Variants in SLC24A3 observed in about 807,000 individuals in gnomAD.
SLC24A3 encodes the protein solute carrier family 24 member 3.
A neutral mutation model predicts 75.8 loss-of-function variants in SLC24A3; 28 were observed. That is an observed-to-expected ratio of 0.37 (90% CI 0.27 to 0.51). SLC24A3 has a LOEUF of 0.51. SLC24A3 is among the 20% of genes least tolerant of loss of function. SLC24A3 has a pLI of 0.94. For missense variants in SLC24A3, 663 were observed against 847.8 expected (o/e 0.78, Z 2.71); for synonymous variants, 372 against 334.1 (o/e 1.11, Z -1.24).
chr20:19,516,690 G>A (rs1358757372), intron 3 of SLC24A3, among the ~76,000 whole-genome samples: 1 of 152,248 alleles, frequency 6.6e-6, no homozygotes, highest in Non-Finnish European at 1.5e-5. Flanking sequence ...GCAGCCTCAG[G>A]CAGTCAGACT....
intron 2 of SLC24A3, among the ~76,000 whole-genome samples, chr20:19,395,029 C>A (rs1357570406): frequency 2.0e-5 from 3 of 152,104 alleles, no homozygotes; most frequent in African/African-American, 7.2e-5. Flanking sequence ...CATTATTTAA[C>A]CTTAAAAAGG....
intron 2 of SLC24A3, among the ~76,000 whole-genome samples, chr20:19,325,485 C>T (rs1468219734): frequency 6.6e-6 from 1 of 151,006 alleles, no homozygotes; most frequent in Admixed American, 6.6e-5. Flanking sequence ...GAATCCAGAC[C>T]ACAGCCTTGG....
chr20:19,633,807 G>A (rs1302010894), intron 6 of SLC24A3, among the ~76,000 whole-genome samples: 1 of 152,066 alleles, frequency 6.6e-6, no homozygotes, highest in Non-Finnish European at 1.5e-5. Context: ...AATTGGGCTG[G>A]GGGAAAGGCA....
At chr20:19,698,505 G>A (rs2032836416) in intron 14 of SLC24A3, 63 bp from the exon 15 acceptor site, 1 of 1,191,398 alleles carries the variant, frequency 8.4e-7, no homozygotes, top group Non-Finnish European at 1.2e-6. Context: ...AAAGGCTTGG[G>A]AGAGTCCTGT....
rs138636635 is a variant in SLC24A3, at chr20:19,343,488, G to A, written c.271+62401G>A. ...TGAGTGCTTCATAATTTAGTCTATCGTATCTCATCATTACGGCAGATATTG... is the reference window on the plus strand; with the variant it reads ...TGAGTGCTTCATAATTTAGTCTATCATATCTCATCATTACGGCAGATATTG... On this transcript the variant is annotated intron_variant, in intron 2 of 16. Coordinates refer to ENST00000328041, the MANE Select transcript of SLC24A3 (RefSeq NM_020689.4). 2.6e-4 allele frequency among the ~76,000 whole-genome samples: 40 copies of A among 152,134 alleles called. No homozygotes were observed. The East Asian group carries it at 2.7e-3, about 10-fold the overall frequency.
chr20:19,480,112 A>G (rs1329741151), intron 2 of SLC24A3, among the ~76,000 whole-genome samples: 14 of 152,156 alleles, frequency 9.2e-5, no homozygotes, highest in Admixed American at 8.5e-4. Context: ...ATTCATTAAC[A>G]ATGTTATAAT....
intron 2 of SLC24A3, among the ~76,000 whole-genome samples, chr20:19,468,969 A>G (rs919602238): frequency 1.3e-5 from 2 of 152,140 alleles, no homozygotes; most frequent in Non-Finnish European, 2.9e-5. Flanking sequence ...TCTAGAGTGA[A>G]TGGCCTGGAC....
chr20:19,369,855 TGA>T (rs1985961664), intron 2 of SLC24A3, among the ~76,000 whole-genome samples: 1 of 152,152 alleles, frequency 6.6e-6, no homozygotes, highest in Non-Finnish European at 1.5e-5. Flanking sequence ...TTTGTAGAGT[TGA>T]GAGTTTCACT....
intron 3 of SLC24A3, among the ~76,000 whole-genome samples, chr20:19,563,347 A>G (rs1465942292): frequency 6.6e-6 from 1 of 152,196 alleles, no homozygotes; most frequent in African/African-American, 2.4e-5. Context: ...ATACACCCAC[A>G]AGAAGTTGCC....
intron 2 of SLC24A3, among the ~76,000 whole-genome samples, chr20:19,283,428 GA>G (rs1983716508): frequency 6.6e-6 from 1 of 152,172 alleles, no homozygotes; most frequent in African/African-American, 2.4e-5. Flanking sequence ...TAAATATTCA[GA>G]TTCTCAGTTG....
At chr20:19,318,603 C>T (rs1042010150) in intron 2 of SLC24A3, among the ~76,000 whole-genome samples, 1 of 152,140 alleles carries the variant, frequency 6.6e-6, no homozygotes, top group Admixed American at 6.5e-5. Flanking sequence ...ACATGTACTC[C>T]TTTGCCACAA....
chr20:19,440,122 G>A (rs568626361), intron 2 of SLC24A3, among the ~76,000 whole-genome samples: 17 of 152,300 alleles, frequency 1.1e-4, no homozygotes, highest in South Asian at 4.1e-4. Flanking sequence ...AACAGACATC[G>A]TTCTAGAATT....
chr20:19,457,166 T>G (rs982541592), intron 2 of SLC24A3, among the ~76,000 whole-genome samples: 16 of 152,190 alleles, frequency 1.1e-4, no homozygotes, highest in African/African-American at 3.9e-4. Flanking sequence ...CCTAATGGCG[T>G]AATCCCAGAT....
At chr20:19,684,836 G>C (rs761406337) in intron 11 of SLC24A3, among the ~76,000 whole-genome samples, 1 of 152,188 alleles carries the variant, frequency 6.6e-6, no homozygotes, top group Non-Finnish European at 1.5e-5. Flanking sequence ...AGTGCACAGA[G>C]TGTCAAGGAA....
chr20:19,315,239 C>A (rs909283744), intron 2 of SLC24A3, among the ~76,000 whole-genome samples: 3 of 152,206 alleles, frequency 2.0e-5, no homozygotes, highest in Non-Finnish European at 4.4e-5. Flanking sequence ...TCTTCTCCAT[C>A]AAACTAGGCA....
chr20:19,243,209 G>C (rs1982383760), intron 1 of SLC24A3, among the ~76,000 whole-genome samples: 1 of 152,164 alleles, frequency 6.6e-6, no homozygotes, highest in East Asian at 1.9e-4. Context: ...TGATTTATAA[G>C]ATTGATGTAT....
intron 6 of SLC24A3, among the ~76,000 whole-genome samples, chr20:19,596,617 G>T (rs1007725437): frequency 6.6e-6 from 1 of 152,110 alleles, no homozygotes; most frequent in Non-Finnish European, 1.5e-5. Context: ...CTCCTGAGCC[G>T]CCCAACCCTC....
chr20:19,658,090 G>A (rs2032285094), intron 7 of SLC24A3, among the ~76,000 whole-genome samples: 1 of 152,124 alleles, frequency 6.6e-6, no homozygotes, highest in Non-Finnish European at 1.5e-5. Flanking sequence ...TTCACCCAGA[G>A]GGCAAGTCAG....
intron 2 of SLC24A3, among the ~76,000 whole-genome samples, chr20:19,285,649 T>G (rs548314156): frequency 6.6e-6 from 1 of 151,822 alleles, no homozygotes; most frequent in East Asian, 1.9e-4. Context: ...TCTCTGTGAA[T>G]TTTTAAGGTT....
Sources: allele counts gnomAD v4.1 joint callset (sites outside exome capture counted in the v4.1 genomes callset), GRCh38; gene constraint gnomAD v4.1.1; transcripts MANE v1.5; gene names NCBI Gene and HGNC (gene_info 2026-07-23, HGNC 2026-07-21).